YY1AP1: variants seen among roughly 807,000 people sequenced by gnomAD.
The protein encoded by YY1AP1 is YY1-associated protein 1.
A neutral mutation model predicts 39.9 loss-of-function variants in YY1AP1; 43 were observed. The observed-to-expected ratio is 1.08, with a 90% CI of 0.84 to 1.39. The LOEUF (loss-of-function observed/expected upper bound fraction) is 1.39. YY1AP1 is among the 40% of genes most tolerant of loss of function. The pLI is 0.00. For missense variants in YY1AP1, 813 were observed against 900.7 expected, an observed-to-expected ratio of 0.90 and a Z score of 1.25; for synonymous variants, 292 against 331.3, an observed-to-expected ratio of 0.88 and a Z score of 1.29.
chr1:155,674,384 G>A (rs916785542), intron 6 of YY1AP1, among the ~76,000 whole-genome samples: 5 of 152,102 alleles, frequency 3.3e-5, no homozygotes, highest in Non-Finnish European at 5.9e-5. Context: ...CTGGGCTCAA[G>A]TGATCCTATC....
chr1:155,668,138 T>G (rs1307165613), intron 9 of YY1AP1, among the ~76,000 whole-genome samples: 2 of 151,920 alleles, frequency 1.3e-5, no homozygotes, highest in Non-Finnish European at 2.9e-5. Context: ...CCGTATCTAC[T>G]AAAAATACAA....
chr1:155,686,521 T>G (rs1373213622), intron 2 of YY1AP1, among the ~76,000 whole-genome samples: 1 of 152,118 alleles, frequency 6.6e-6, no homozygotes, highest in Non-Finnish European at 1.5e-5. Context: ...CCCCTCAGAT[T>G]GCATCCAGGC....
intron 1 of YY1AP1, 109 bp downstream of exon 1, chr1:155,688,550 T>C (rs678157): frequency 0.28 from 424,768 of 1,539,856 alleles, 68,996 homozygotes; most frequent in East Asian, 0.72. Flanking sequence ...TCGGCCGTCC[T>C]GCGAGCCAGC....
intron 2 of YY1AP1, among the ~76,000 whole-genome samples, chr1:155,683,254 T>A (rs1651772332): frequency 6.6e-6 from 1 of 152,140 alleles, no homozygotes; most frequent in East Asian, 1.9e-4. Flanking sequence ...GTTTTGTCCA[T>A]CACTGTATCT....
chr1:155,683,060 T>G (rs1651742488), intron 2 of YY1AP1, among the ~76,000 whole-genome samples: 2 of 151,538 alleles, frequency 1.3e-5, no homozygotes, highest in South Asian at 4.2e-4. Context: ...CACTCCAGCC[T>G]GGGCGACAAG....
chr1:155,675,162 ATT>A (rs374278792), intron 5 of YY1AP1, 66 bp from the exon 6 acceptor site: 4 of 1,472,560 alleles, frequency 2.7e-6, no homozygotes, highest in African/African-American at 1.4e-5. Flanking sequence ...GCCCAGAGAT[ATT>A]TTTTTTTCCC....
intron 10 of YY1AP1, 144 bp downstream of exon 10, chr1:155,661,159 AAAGT>A (rs1355287160): frequency 1.5e-5 from 24 of 1,580,342 alleles, no homozygotes; most frequent in African/African-American, 2.7e-5. Context: ...GAAGGGCAGA[AAAGT>A]AAGGGAAGAA....
In YY1AP1 at chr1:155,679,460, T is replaced by C. The variant is rs1382100210; in HGVS notation, c.74A>G (p.Glu25Gly). ...SNMEDDGPEE[E>G]ERVAEPQANF... Reference sequence around the variant, plus strand: ...AGCTTGAGGCTCAGCCACACGCTCCTCCTCTTCTGGGCCATCATCTTCCAT... The same window carrying C: ...AGCTTGAGGCTCAGCCACACGCTCCCCCTCTTCTGGGCCATCATCTTCCAT... Residue 25 changes from glutamate (E) to glycine (G), a missense_variant, in exon 4 of 11, where the codon GAG becomes GGG. Around this residue, in one of 3 missense-constraint regions of YY1AP1, gnomAD observed 196 missense variants for 189.7 expected, o/e 1.03. Coordinates refer to ENST00000355499, the MANE Select transcript of YY1AP1 (RefSeq NM_139119.3). 1 of 1,614,110 alleles carries C rather than the reference T, an allele frequency of 6.2e-7. No homozygotes were observed. The highest frequency in any genetic ancestry group is 2.2e-5 in the East Asian group (1 of 44,902).
At position 155,688,734 on chromosome 1, in the gene YY1AP1, A is replaced by G; in HGVS notation, c.-227T>C. On this transcript the variant is annotated 5_prime_UTR_variant, in exon 1 of 11. Coordinates refer to ENST00000355499, the MANE Select transcript of YY1AP1 (RefSeq NM_139119.3). Reference sequence around the variant, plus strand: ...CTCCCTCCCCGCCCGCACGGCCACCAACCGCCGCCAAAGCAGCCGCCGCCA... The same window carrying G: ...CTCCCTCCCCGCCCGCACGGCCACCGACCGCCGCCAAAGCAGCCGCCGCCA... The G allele has an allele frequency of 1.3e-6, 2 of 1,501,242 alleles. No homozygotes were observed. Among genetic ancestry groups the G allele is most frequent in the Middle Eastern group, 2.1e-4 (1 of 4,820 alleles). 93.0% of individuals were successfully genotyped at this position (1,501,242 alleles called of 1,614,324 possible). A position where few individuals can be genotyped will look rare whatever the true frequency, so the allele number is the denominator to read the frequency against.
intron 6 of YY1AP1, among the ~76,000 whole-genome samples, chr1:155,673,364 T>TA (rs1650141511): frequency 6.6e-6 from 1 of 152,166 alleles, no homozygotes; most frequent in Non-Finnish European, 1.5e-5. Context: ...GAATAATGCC[T>TA]ACAACCAAGT....
At chr1:155,672,898 C>A in intron 6 of YY1AP1, 167 bp from the exon 7 acceptor site, 6 of 926,440 alleles carry the variant, frequency 6.5e-6, no homozygotes, top group Non-Finnish European at 9.9e-6. Context: ...TGCCTGAGTT[C>A]TCAGATATTC....
chr1:155,667,896 C>T (rs562435604), intron 9 of YY1AP1, among the ~76,000 whole-genome samples: 2 of 148,672 alleles, frequency 1.3e-5, no homozygotes, highest in East Asian at 4.1e-4. Flanking sequence ...GAGCGAAACT[C>T]CATCTCAATA....
Position 155,660,625 on chromosome 1 carries a change from G to T in YY1AP1, c.1285C>A (p.Pro429Thr). Residue 429 changes from proline (P) to threonine (T), a missense_variant, in exon 11 of 11, where the codon CCT (proline) becomes ACT (threonine). Pro to Thr is a conservative substitution (Grantham distance 38). This residue lies in a region of YY1AP1 where 586 missense variants were observed against 647.4 expected (regional missense o/e 0.91). Transcript: ENST00000355499. ...PSPSLQPSFN[P>T]GKTPAQSTHS... ...GTTGATTGGGCTGGTGTTTTCCCAG[G>T]GTTGAAGCTGGGCTGGAGAGAGGGG... 6.2e-7 allele frequency: 1 copy of T among 1,614,190 alleles called. No individual in the cohort carries two copies. Among genetic ancestry groups the T allele is most frequent in the Non-Finnish European group, 8.5e-7 (1 of 1,180,030 alleles).
intron 9 of YY1AP1, 145 bp downstream of exon 9, chr1:155,668,482 G>A: frequency 8.0e-7 from 1 of 1,242,278 alleles, no homozygotes; most frequent in Non-Finnish European, 1.1e-6. Context: ...TCCCTGAAAA[G>A]GCAACAGGGG....
upstream of YY1AP1, chr1:155,688,779 C>T (rs1418669047): frequency 3.3e-6 from 5 of 1,537,986 alleles, no homozygotes; most frequent in African/African-American, 5.5e-5. Context: ...CCCTACACTC[C>T]TCGCGCGTGC....
rs1166580283 is a variant in YY1AP1 at position 155,688,332 on chromosome 1, G to C, written c.-151-131C>G. 8 of 1,550,968 alleles carry C rather than the reference G, an allele frequency of 5.2e-6. No individual in the cohort carries two copies. In the South Asian group the frequency reaches 8.3e-5, roughly 16 times the overall value. On this transcript the variant is annotated intron_variant, in intron 1 of 10. Transcript: ENST00000355499. ...GCGAACCCAAAATGGCGGCGGCAGC[G>C]GCGGCAGCAGAGTGGCCGCGGCAGC...
intron 2 of YY1AP1, among the ~76,000 whole-genome samples, chr1:155,687,302 C>T (rs2149082318): frequency 6.7e-6 from 1 of 148,454 alleles, no homozygotes; most frequent in East Asian, 2.0e-4. Context: ...TTCTCCCCTC[C>T]CTGACCTCAC....
In YY1AP1 at chr1:155,660,880, G is replaced by A; in HGVS notation, c.1030C>T (p.His344Tyr). The change falls in exon 11 of 11, where the codon CAC becomes TAC. Residue 344 changes from histidine (H) to tyrosine (Y), a missense_variant. His to Tyr is a moderately conservative substitution (Grantham distance 83). Transcript: ENST00000355499. ...SLPSIQEELR[H>Y]MADGAREVGN... ...ACCTCTCTAGCACCATCAGCCATGT[G>A]CCGCAGTTCTTCCTGGATGGATGGC... 1 of 1,614,208 alleles carries A rather than the reference G, an allele frequency of 6.2e-7. No homozygotes were observed. The highest frequency in any genetic ancestry group is 8.5e-7 in the Non-Finnish European group (1 of 1,180,036).
Position 155,661,352 on chromosome 1 carries a change from CT to C in YY1AP1, c.950del (p.Lys317SerfsTer4), listed in dbSNP as rs1648082370. On this transcript the variant is annotated frameshift_variant, in exon 10 of 11. Transcript: ENST00000355499. LOFTEE classifies it low-confidence loss of function (END_TRUNC). ...GGTGTTCTTCTCTCTCTATAGGTGG[CT>C]TCCACTGATGTGGCTGGATCTCTTC... ...CCEEIQPHQW[K>X]PPIEREEHRL... 5.0e-6 allele frequency: 8 copies of C among 1,613,862 alleles called. No individual in the cohort carries two copies. Among genetic ancestry groups the C allele is most frequent in the Non-Finnish European group, 6.8e-6 (8 of 1,179,812 alleles).
Sources: gnomAD v4.1 joint callset for allele counts (sites outside exome capture counted in the v4.1 genomes callset) on GRCh38, gnomAD v4.1.1 for gene constraint, gnomAD v4.1.1 regional missense constraint, MANE v1.5 for transcripts, NCBI Gene and HGNC (gene_info 2026-07-23, HGNC 2026-07-21) for gene names.